The following TRPM3 variants were observed in gnomAD, a reference collection of about 807,000 sequenced individuals.
The protein encoded by TRPM3 is long transient receptor potential channel 3.
TRPM3 carries 77 observed loss-of-function variants against 181.2 expected under a neutral mutation model. That is an observed-to-expected ratio of 0.42 (90% CI 0.35 to 0.51). The LOEUF (loss-of-function observed/expected upper bound fraction) is 0.51. Among genes scored for constraint, TRPM3 ranks in the 20% least tolerant of loss-of-function variants. The pLI, the probability that TRPM3 is intolerant of heterozygous loss-of-function variation, is 0.01. For synonymous variants in TRPM3, 745 were observed against 796.4 expected, an observed-to-expected ratio of 0.94 and a Z score of 1.09; for missense variants, 1,759 against 2,196.7, an observed-to-expected ratio of 0.80 and a Z score of 3.98.
At chr9:70,893,628 C>T (rs931649920) in intron 1 of TRPM3, among the ~76,000 whole-genome samples, 2 of 151,812 alleles carry the variant, frequency 1.3e-5, no homozygotes, top group Admixed American at 6.5e-5. Context: ...AATTAGGGCC[C>T]TATACTCCTA....
intron 1 of TRPM3, among the ~76,000 whole-genome samples, chr9:70,973,157 T>C (rs2097263516): frequency 2.0e-5 from 3 of 152,218 alleles, no homozygotes; most frequent in African/African-American, 7.2e-5. Context: ...ATGCTTACCA[T>C]GTACAATCAT....
chr9:70,955,607 G>A (rs560878791), intron 1 of TRPM3, among the ~76,000 whole-genome samples: 1 of 152,132 alleles, frequency 6.6e-6, no homozygotes, highest in Non-Finnish European at 1.5e-5. Flanking sequence ...AGGTCACATG[G>A]AAAATCAAGG....
chr9:70,760,511 T>G (rs1399644811), intron 8 of TRPM3, among the ~76,000 whole-genome samples: 1 of 150,712 alleles, frequency 6.6e-6, no homozygotes, highest in African/African-American at 2.4e-5. Context: ...CTCGCTGGCT[T>G]CTATATATGG....
chr9:70,535,588 G>C lies in TRPM3; in HGVS notation c.*365C>G. ...ATCCTACAACTCTTGATAATGGTCA[G>C]AAATCAACAGATGCCTCCTGGCATG... On this transcript the variant is annotated 3_prime_UTR_variant, in exon 26 of 26. Coordinates refer to ENST00000677713, the MANE Select transcript of TRPM3 (RefSeq NM_001366145.2). 3.3e-6 allele frequency: 5 copies of C among 1,502,894 alleles called. No individual in the cohort carries two copies. The highest frequency in any genetic ancestry group is 4.4e-6 in the Non-Finnish European group (5 of 1,130,038). The allele number at this position is 1,502,894 out of a possible 1,614,324, so 93.1% of individuals were successfully genotyped here. A position where few individuals can be genotyped will look rare whatever the true frequency, so the allele number is the denominator to read the frequency against.
At chr9:70,939,130 C>G (rs1328502036) in intron 1 of TRPM3, among the ~76,000 whole-genome samples, 3 of 152,252 alleles carry the variant, frequency 2.0e-5, no homozygotes, top group Middle Eastern at 3.4e-3. Flanking sequence ...TGATGCCTCT[C>G]TATTTCCAAG....
intron 1 of TRPM3, among the ~76,000 whole-genome samples, chr9:71,365,353 T>C (rs146727831): frequency 6.6e-6 from 1 of 152,384 alleles, no homozygotes; most frequent in African/African-American, 2.4e-5. Flanking sequence ...TTTTTTATTA[T>C]TTTCCAATAT....
At chr9:71,306,126 A>G (rs1023375224) in intron 1 of TRPM3, among the ~76,000 whole-genome samples, 4 of 152,192 alleles carry the variant, frequency 2.6e-5, no homozygotes, top group African/African-American at 9.6e-5. Flanking sequence ...GCAGAAATGT[A>G]GAGAGCACAC....
chr9:71,252,510 C>T lies in TRPM3; in HGVS notation c.183+194143G>A, dbSNP rs540512329. Among the ~76,000 whole-genome samples the T allele has an allele frequency of 2.0e-5, 3 of 152,148 alleles. No individual in the cohort carries two copies. In the East Asian group the frequency reaches 5.8e-4, roughly 29 times the overall value. On this transcript the variant is annotated intron_variant, in intron 1 of 24. Coordinates refer to the TRPM3 transcript ENST00000357533. ...AGAATTCTGCTGTGAAAGGCACTTT[C>T]CAGGACCAACTTATTTCTTCATAAA...
At chr9:71,052,154 A>T (rs1372594417) in intron 1 of TRPM3, among the ~76,000 whole-genome samples, 1 of 152,174 alleles carries the variant, frequency 6.6e-6, no homozygotes, top group Non-Finnish European at 1.5e-5. Context: ...ATGCAGTTAA[A>T]ATTAAACCAC....
At chr9:70,598,310 CATCT>C in intron 21 of TRPM3, 105 bp downstream of exon 21, 11 of 1,401,954 alleles carry the variant, frequency 7.8e-6, no homozygotes, top group Non-Finnish European at 1.1e-5. Flanking sequence ...CCTCTAGGGC[CATCT>C]CATTTAGACT....
intron 1 of TRPM3, among the ~76,000 whole-genome samples, chr9:71,344,094 G>C (rs1443929936): frequency 3.9e-5 from 6 of 152,026 alleles, no homozygotes; most frequent in Non-Finnish European, 8.8e-5. Flanking sequence ...CATTACATAA[G>C]ATGATAACTG....
intron 9 of TRPM3, among the ~76,000 whole-genome samples, chr9:70,659,693 C>A (rs185364921): frequency 6.6e-6 from 1 of 152,102 alleles, no homozygotes; most frequent in Non-Finnish European, 1.5e-5. Context: ...TTATTTTCTA[C>A]AATTTGGACT....
At chr9:70,939,232 C>T (rs1231938959) in intron 1 of TRPM3, among the ~76,000 whole-genome samples, 5 of 152,180 alleles carry the variant, frequency 3.3e-5, no homozygotes, top group African/African-American at 9.6e-5. Context: ...AAGGTTGTTA[C>T]TCTTCACTGT....
At chr9:70,877,711 C>T (rs2095892864) in intron 1 of TRPM3, among the ~76,000 whole-genome samples, 2 of 151,718 alleles carry the variant, frequency 1.3e-5, no homozygotes, top group African/African-American at 4.8e-5. Flanking sequence ...GATCTTAGGT[C>T]CTTTCTCCAA....
chr9:71,189,109 T>C (rs1565320017), intron 1 of TRPM3, among the ~76,000 whole-genome samples: 1 of 151,836 alleles, frequency 6.6e-6, no homozygotes, highest in East Asian at 1.9e-4. Context: ...CAATCAGGAA[T>C]TGCCTCTCTA....
chr9:71,389,592 C>T lies in TRPM3; in HGVS notation c.183+57061G>A, dbSNP rs747162170. Among the ~76,000 whole-genome samples, 24 of 152,126 alleles carry T rather than the reference C, an allele frequency of 1.6e-4. 1 individual carries two copies. Among genetic ancestry groups the T allele is most frequent in the Non-Finnish European group, 3.4e-4 (23 of 68,006 alleles). ...TCATGGGACCAACCCAAATGCCCAT[C>T]AATCAACAAGTGGATAAATAAACTG... On this transcript the variant is annotated intron_variant, in intron 1 of 24. Coordinates refer to the TRPM3 transcript ENST00000357533.
chr9:70,995,385 T>C (rs1350532551), intron 1 of TRPM3, among the ~76,000 whole-genome samples: 2 of 152,210 alleles, frequency 1.3e-5, no homozygotes, highest in African/African-American at 4.8e-5. Context: ...TGCTTTTAAC[T>C]CTTATCTTTC....
chr9:71,142,867 G>A (rs1411442592), intron 1 of TRPM3, among the ~76,000 whole-genome samples: 1 of 151,758 alleles, frequency 6.6e-6, no homozygotes, highest in Non-Finnish European at 1.5e-5. Flanking sequence ...CACACTGGGA[G>A]GCCAAGGCAG....
At chr9:71,327,151 C>T (rs998593592) in intron 1 of TRPM3, among the ~76,000 whole-genome samples, 1 of 152,236 alleles carries the variant, frequency 6.6e-6, no homozygotes, top group African/African-American at 2.4e-5. Flanking sequence ...TGGACCACGG[C>T]ATCTGCCTTC....
Sources: gnomAD v4.1 joint callset for allele counts (sites outside exome capture counted in the v4.1 genomes callset) on GRCh38, gnomAD v4.1.1 for gene constraint, MANE v1.5 for transcripts, NCBI Gene and HGNC (gene_info 2026-07-23, HGNC 2026-07-21) for gene names.